Variants in CDH13 observed in about 807,000 individuals in gnomAD.
CDH13 encodes the protein cadherin 13.
A neutral mutation model predicts 63.8 loss-of-function variants in CDH13; 24 were observed. The observed-to-expected ratio is 0.38, with a 90% CI of 0.27 to 0.53. The LOEUF (loss-of-function observed/expected upper bound fraction) is 0.53. CDH13 is among the 20% of genes least tolerant of loss of function. The pLI, the probability that CDH13 is intolerant of heterozygous loss-of-function variation, is 0.85. For missense variants in CDH13, 1,049 were observed against 903.1 expected, an observed-to-expected ratio of 1.16 and a Z score of -2.07; for synonymous variants, 503 against 355.3, an observed-to-expected ratio of 1.42 and a Z score of -4.67.
At chr16:83,333,023 A>G (rs1351647004) in intron 5 of CDH13, among the ~76,000 whole-genome samples, 1 of 152,188 alleles carries the variant, frequency 6.6e-6, no homozygotes, top group African/African-American at 2.4e-5. Flanking sequence ...TTTAATTAAT[A>G]ACCTAACAAG....
chr16:82,916,840 C>A lies in CDH13; in HGVS notation c.157+58367C>A, dbSNP rs1384622886. Among the ~76,000 whole-genome samples, 7 of 152,230 alleles carry A rather than the reference C, an allele frequency of 4.6e-5. No homozygotes were observed. In the South Asian group the frequency reaches 6.2e-4, roughly 14 times the overall value. ...TAGGAGATAGTTGTGGAATATATAG[C>A]ATTTGTATTTCTACATTTTTATGTG... On this transcript the variant is annotated intron_variant, in intron 2 of 13. Transcript: ENST00000567109.
At chr16:83,061,677 C>A in intron 3 of CDH13, among the ~76,000 whole-genome samples, 1 of 152,256 alleles carries the variant, frequency 6.6e-6, no homozygotes, top group African/African-American at 2.4e-5. Flanking sequence ...TAAGTGAAAC[C>A]AGACGCCTCC....
At position 83,209,499 on chromosome 16, in the gene CDH13, A is replaced by G. The variant is rs143312691; in HGVS notation, c.484-7846A>G. On this transcript the variant is annotated intron_variant, in intron 4 of 13. Coordinates refer to ENST00000567109, the MANE Select transcript of CDH13 (RefSeq NM_001257.5). ...AATAAAGGTCTGAAAATGTGTCTCC[A>G]GGTAAAGTGGCTGCATTTTCCAAGA... Among the ~76,000 whole-genome samples the G allele has an allele frequency of 3.3e-3, 503 of 152,346 alleles. 7 individuals are homozygous for G. The highest frequency in any genetic ancestry group is 0.011 in the African/African-American group (463 of 41,582).
intron 6 of CDH13, among the ~76,000 whole-genome samples, chr16:83,423,600 C>CCTATTATT (rs1326537069): frequency 6.6e-6 from 1 of 152,136 alleles, no homozygotes; most frequent in East Asian, 1.9e-4. Context: ...TACCTAGGCA[C>CCTATTATT]ACCTAAATGA....
At chr16:83,761,014 G>A (rs141606038) in intron 11 of CDH13, among the ~76,000 whole-genome samples, 2 of 152,230 alleles carry the variant, frequency 1.3e-5, no homozygotes, top group African/African-American at 4.8e-5. Context: ...CTTTGCAACG[G>A]GCAGAAGTGA....
At chr16:82,890,194 C>T (rs1005736766) in intron 2 of CDH13, among the ~76,000 whole-genome samples, 3 of 152,160 alleles carry the variant, frequency 2.0e-5, no homozygotes, top group African/African-American at 4.8e-5. Context: ...TAAGGAGGGA[C>T]CATACTTAAC....
At chr16:83,090,604 C>G (rs970861252) in intron 3 of CDH13, among the ~76,000 whole-genome samples, 1 of 151,496 alleles carries the variant, frequency 6.6e-6, no homozygotes, top group Non-Finnish European at 1.5e-5. Context: ...GTGCTTGTCT[C>G]TGCTCAAAGA....
At chr16:82,892,858 C>G (rs188360556) in intron 2 of CDH13, among the ~76,000 whole-genome samples, 1 of 152,118 alleles carries the variant, frequency 6.6e-6, no homozygotes. Context: ...TGGCATTTTA[C>G]AGTAGTGTCA....
chr16:83,442,920 T>A (rs1109545), intron 6 of CDH13, among the ~76,000 whole-genome samples: 2 of 152,120 alleles, frequency 1.3e-5, no homozygotes, highest in Non-Finnish European at 2.9e-5. Context: ...TTTCACCCTA[T>A]ATGCTTGACC....
At chr16:83,188,503 C>T (rs1444689404) in intron 4 of CDH13, among the ~76,000 whole-genome samples, 1 of 152,016 alleles carries the variant, frequency 6.6e-6, no homozygotes, top group Admixed American at 6.6e-5. Context: ...GCCTCGCTGC[C>T]CATCTCCCAG....
intron 4 of CDH13, among the ~76,000 whole-genome samples, chr16:83,191,641 G>A (rs888533401): frequency 2.0e-5 from 3 of 150,392 alleles, no homozygotes; most frequent in African/African-American, 7.3e-5. Context: ...CCATCTGCAA[G>A]CTGAGGAGCA....
intron 1 of CDH13, among the ~76,000 whole-genome samples, chr16:82,787,919 A>T (rs2036099511): frequency 7.1e-6 from 1 of 141,648 alleles, no homozygotes; most frequent in South Asian, 2.3e-4. Flanking sequence ...CCAAAGGCTG[A>T]CTCACAACTC....
At chr16:83,439,675 A>T (rs567678375) in intron 6 of CDH13, among the ~76,000 whole-genome samples, 1 of 152,300 alleles carries the variant, frequency 6.6e-6, no homozygotes, top group South Asian at 2.1e-4. Flanking sequence ...TAATTACGGA[A>T]TGGCCTTCTT....
chr16:82,645,348 G>T (rs1268362678), intron 1 of CDH13, among the ~76,000 whole-genome samples: 1 of 152,208 alleles, frequency 6.6e-6, no homozygotes, highest in Non-Finnish European at 1.5e-5. Flanking sequence ...AATATTTGCT[G>T]ATCCTTCTGA....
At chr16:83,677,392 A>G (rs1259554142) in intron 9 of CDH13, among the ~76,000 whole-genome samples, 1 of 152,090 alleles carries the variant, frequency 6.6e-6, no homozygotes, top group Non-Finnish European at 1.5e-5. Flanking sequence ...ACAATCCACC[A>G]TTGTGTGGGA....
intron 3 of CDH13, among the ~76,000 whole-genome samples, chr16:83,104,371 G>C (rs888304392): frequency 6.6e-6 from 1 of 152,132 alleles, no homozygotes; most frequent in African/African-American, 2.4e-5. Context: ...AATAGAGGTT[G>C]GGGCTGAATG....
intron 1 of CDH13, among the ~76,000 whole-genome samples, chr16:82,818,777 A>C (rs758291212): frequency 3.3e-5 from 5 of 152,178 alleles, no homozygotes; most frequent in Non-Finnish European, 5.9e-5. Flanking sequence ...GTCTCTGTAA[A>C]GGCCTTTCTC....
At chr16:83,700,681 G>A (rs572251192) in intron 10 of CDH13, among the ~76,000 whole-genome samples, 41 of 152,282 alleles carry the variant, frequency 2.7e-4, no homozygotes, top group African/African-American at 9.6e-4. Context: ...AGCAATGCAT[G>A]CTCGTCACAA....
intron 5 of CDH13, among the ~76,000 whole-genome samples, chr16:83,333,758 C>G (rs376469832): frequency 1.6e-4 from 25 of 152,276 alleles, no homozygotes; most frequent in South Asian, 6.2e-4. Flanking sequence ...AGAGCATGAT[C>G]ACATGACCCA....
Sources: allele counts gnomAD v4.1 joint callset (sites outside exome capture counted in the v4.1 genomes callset), GRCh38; gene constraint gnomAD v4.1.1; transcripts MANE v1.5; gene names NCBI Gene and HGNC (gene_info 2026-07-23, HGNC 2026-07-21).